The following ANKFN1 variants were observed in gnomAD, a reference collection of about 807,000 sequenced individuals.
ANKFN1 encodes the protein ankyrin repeat and fibronectin type-III domain-containing protein 1.
In ANKFN1, 74 loss-of-function variants were observed where a neutral mutation model predicts 108.7. That is an observed-to-expected ratio of 0.68 (90% CI 0.56 to 0.83). The LOEUF (loss-of-function observed/expected upper bound fraction) is 0.83, where lower values mean the gene tolerates loss of function less well. Among genes scored for constraint, ANKFN1 ranks in the 40% least tolerant of loss-of-function variants. ANKFN1 has a pLI of 0.00. For missense variants in ANKFN1, 1,505 were observed against 1,382.3 expected (o/e 1.09, Z -1.41); for synonymous variants, 547 against 516.2 (o/e 1.06, Z -0.81).
At chr17:56,056,347 AG>A (rs1207375601) in intron 4 of ANKFN1, among the ~76,000 whole-genome samples, 2 of 149,238 alleles carry the variant, frequency 1.3e-5, no homozygotes, top group Non-Finnish European at 3.0e-5. Flanking sequence ...AAACCAAAAA[AG>A]ACCCTGAATA....
At chr17:56,071,393 C>G (rs936278546) in intron 4 of ANKFN1, among the ~76,000 whole-genome samples, 1 of 152,188 alleles carries the variant, frequency 6.6e-6, no homozygotes, top group African/African-American at 2.4e-5. Context: ...AGAAGTTTCT[C>G]TCTGACCTTG....
intron 4 of ANKFN1, among the ~76,000 whole-genome samples, chr17:56,081,099 G>A (rs556735210): frequency 3.9e-5 from 6 of 152,280 alleles, no homozygotes; most frequent in Admixed American, 1.3e-4. Flanking sequence ...TGTTACTAGT[G>A]GTGAATCCAT....
chr17:56,208,672 C>G (rs922920623), intron 1 of ANKFN1, among the ~76,000 whole-genome samples: 1 of 152,154 alleles, frequency 6.6e-6, no homozygotes, highest in Admixed American at 6.5e-5. Flanking sequence ...AAATTTCACT[C>G]TGATCTTCCT....
intron 3 of ANKFN1, among the ~76,000 whole-genome samples, chr17:56,271,662 A>G (rs1013649678): frequency 6.6e-6 from 1 of 152,152 alleles, no homozygotes; most frequent in Admixed American, 6.5e-5. Flanking sequence ...GGGGATTCTA[A>G]AACAGGTGAC....
intron 8 of ANKFN1, among the ~76,000 whole-genome samples, chr17:56,401,373 G>GTA (rs1567974215): frequency 0.061 from 1,445 of 23,604 alleles, 33 homozygotes; most frequent in East Asian, 0.12. Flanking sequence ...ATTGTATTGT[G>GTA]TTGTGTTGTG....
At chr17:56,444,911 A>C (rs1372871990) in intron 10 of ANKFN1, among the ~76,000 whole-genome samples, 3 of 152,164 alleles carry the variant, frequency 2.0e-5, no homozygotes, top group Non-Finnish European at 4.4e-5. Context: ...AGAGCCAGCC[A>C]TCTGTGCCTG....
At chr17:56,050,392 T>A (rs1395713232) in intron 4 of ANKFN1, among the ~76,000 whole-genome samples, 2 of 141,752 alleles carry the variant, frequency 1.4e-5, no homozygotes, top group Non-Finnish European at 3.1e-5. Context: ...AGCTCTTTAG[T>A]TTAATTAGAT....
chr17:56,416,688 G>A (rs1213806132), intron 8 of ANKFN1, among the ~76,000 whole-genome samples: 2 of 152,102 alleles, frequency 1.3e-5, no homozygotes, highest in Admixed American at 6.5e-5. Context: ...CATACAGCCC[G>A]GCGATCCCGC....
At chr17:56,066,049 C>T (rs970166922) in intron 4 of ANKFN1, among the ~76,000 whole-genome samples, 2 of 152,230 alleles carry the variant, frequency 1.3e-5, no homozygotes, top group Middle Eastern at 3.2e-3. Flanking sequence ...AGAGCTAGAA[C>T]AAAGGCCAGA....
intron 8 of ANKFN1, among the ~76,000 whole-genome samples, chr17:56,407,034 G>A (rs1379709492): frequency 6.6e-6 from 1 of 152,036 alleles, no homozygotes; most frequent in Non-Finnish European, 1.5e-5. Flanking sequence ...AGGGGAAAAA[G>A]GGGAAGGAAA....
At chr17:56,370,505 T>G (rs1416847720) in intron 6 of ANKFN1, among the ~76,000 whole-genome samples, 1 of 152,196 alleles carries the variant, frequency 6.6e-6, no homozygotes, top group African/African-American at 2.4e-5. Context: ...ACCCAAGTGT[T>G]GACGCATGCA....
chr17:56,435,336 A>G (rs1430249188), intron 8 of ANKFN1, among the ~76,000 whole-genome samples: 1 of 152,228 alleles, frequency 6.6e-6, no homozygotes, highest in African/African-American at 2.4e-5. Context: ...TAAGGAGCTT[A>G]TAGACTACAG....
chr17:56,294,481 C>G (rs2144328385), intron 3 of ANKFN1, among the ~76,000 whole-genome samples: 1 of 152,358 alleles, frequency 6.6e-6, no homozygotes, highest in Middle Eastern at 3.4e-3. Flanking sequence ...TAGTTCTCTG[C>G]TTCTCTCTCA....
chr17:56,462,458 G>T (rs963882264), intron 14 of ANKFN1, among the ~76,000 whole-genome samples: 2 of 152,266 alleles, frequency 1.3e-5, no homozygotes, highest in East Asian at 3.9e-4. Context: ...GCTGGGCGTG[G>T]TGGCGCATGC....
At chr17:56,097,740 T>A (rs1211154054) in intron 4 of ANKFN1, among the ~76,000 whole-genome samples, 1 of 152,228 alleles carries the variant, frequency 6.6e-6, no homozygotes, top group Non-Finnish European at 1.5e-5. Flanking sequence ...CCTCGTCTTT[T>A]CATCCAGGCA....
At chr17:56,495,659 G>A (rs949309381) in intron 19 of ANKFN1, among the ~76,000 whole-genome samples, 2 of 152,148 alleles carry the variant, frequency 1.3e-5, no homozygotes, top group East Asian at 3.9e-4. Flanking sequence ...CAGCAGAAAT[G>A]TCAAAGTGTG....
intron 1 of ANKFN1, among the ~76,000 whole-genome samples, chr17:56,196,380 T>A (rs1598217542): frequency 6.6e-6 from 1 of 152,106 alleles, no homozygotes; most frequent in Admixed American, 6.6e-5. Flanking sequence ...GGGAATCAAG[T>A]ATGAGAATTG....
chr17:56,401,637 C>G (rs866578304), intron 8 of ANKFN1, among the ~76,000 whole-genome samples: 1 of 151,978 alleles, frequency 6.6e-6, no homozygotes, highest in Non-Finnish European at 1.5e-5. Context: ...CAAACAGTGA[C>G]AGGTTGACTT....
intron 4 of ANKFN1, among the ~76,000 whole-genome samples, chr17:56,113,144 G>T (rs980034141): frequency 6.6e-6 from 1 of 152,138 alleles, no homozygotes; most frequent in Non-Finnish European, 1.5e-5. Context: ...CATTCACTCC[G>T]CTAGATATTA....
Sources: gnomAD v4.1 joint callset for allele counts (sites outside exome capture counted in the v4.1 genomes callset) on GRCh38, gnomAD v4.1.1 for gene constraint, MANE v1.5 for transcripts, NCBI Gene and HGNC (gene_info 2026-07-23, HGNC 2026-07-21) for gene names.